Variants in CACNA1B observed in about 807,000 individuals in gnomAD.
CACNA1B encodes voltage-dependent N-type calcium channel subunit alpha-1B.
CACNA1B carries 70 observed loss-of-function variants against 247.2 expected under a neutral mutation model. The ratio of observed to expected loss-of-function variants is 0.28; its 90% CI spans 0.23 to 0.35. The LOEUF (loss-of-function observed/expected upper bound fraction) is 0.35. Ranked by LOEUF, CACNA1B falls within the 10% of genes least tolerant of loss-of-function variation. CACNA1B has a pLI of 1.00. For synonymous variants in CACNA1B, 1,231 were observed against 1,294.4 expected, an observed-to-expected ratio of 0.95 and a Z score of 1.05; for missense variants, 2,367 against 3,197.4, an observed-to-expected ratio of 0.74 and a Z score of 6.26.
At position 137,954,978 on chromosome 9, in the gene CACNA1B, G is replaced by T. The variant is rs1295223955; in HGVS notation, c.1071-720G>T. 6.6e-6 allele frequency among the ~76,000 whole-genome samples: 1 copy of T among 151,944 alleles called. No homozygotes were observed. The highest frequency in any genetic ancestry group is 2.4e-5 in the African/African-American group (1 of 41,356). On this transcript the variant is annotated intron_variant, in intron 7 of 46. Coordinates refer to ENST00000371372, the MANE Select transcript of CACNA1B (RefSeq NM_000718.4). This position sits in a 1 kb window ranked among gnomAD's most constrained non-coding sequence, Gnocchi z 4.1. ...AAGCTTGGCCAGGAGGCTGGGGCTGGGCTGGGGATGCTGAGCTGGAAGGGC... is the reference window on the plus strand; with the variant it reads ...AAGCTTGGCCAGGAGGCTGGGGCTGTGCTGGGGATGCTGAGCTGGAAGGGC...
chr9:137,946,662 G>A (rs2133327276), intron 6 of CACNA1B, among the ~76,000 whole-genome samples: 1 of 152,206 alleles, frequency 6.6e-6, no homozygotes, highest in African/African-American at 2.4e-5. Flanking sequence ...TGGTGGTCAG[G>A]TGCTTCCATA....
intron 6 of CACNA1B, among the ~76,000 whole-genome samples, chr9:137,926,304 G>A (rs1589011811): frequency 6.6e-6 from 1 of 151,900 alleles, no homozygotes; most frequent in Non-Finnish European, 1.5e-5. Context: ...TCCTGACCTC[G>A]TGATCCACCT....
At chr9:137,923,357 G>A (rs556568090) in intron 6 of CACNA1B, among the ~76,000 whole-genome samples, 12 of 146,246 alleles carry the variant, frequency 8.2e-5, no homozygotes, top group African/African-American at 3.1e-4. Context: ...GTAGTATTCC[G>A]TGGCTCCAGG....
At chr9:138,098,664 C>A (rs915891010) in intron 37 of CACNA1B, among the ~76,000 whole-genome samples, 1 of 152,142 alleles carries the variant, frequency 6.6e-6, no homozygotes, top group Non-Finnish European at 1.5e-5. Context: ...CACAGTGGTA[C>A]CATACCAAAG....
chr9:137,996,507 G>A lies in CACNA1B; in HGVS notation c.1974+9653G>A, dbSNP rs1359006288. ...ATGATACAATGGACTTTAGGGACTC[G>A]AGGGAAAGGGTGGGAGGGGGACGAG... On this transcript the variant is annotated intron_variant, in intron 15 of 46. Coordinates refer to ENST00000371372, the MANE Select transcript of CACNA1B (RefSeq NM_000718.4). Among the ~76,000 whole-genome samples, 11 of 152,264 alleles carry A rather than the reference G, an allele frequency of 7.2e-5. 1 individual carries two copies. The highest frequency in any genetic ancestry group is 2.1e-4 in the South Asian group (1 of 4,820).
chr9:138,079,145 G>C (rs1181865219), intron 36 of CACNA1B, among the ~76,000 whole-genome samples: 1 of 152,204 alleles, frequency 6.6e-6, no homozygotes, highest in Admixed American at 6.5e-5. Flanking sequence ...CAGATTCCCA[G>C]GCCACTCCCG....
intron 3 of CACNA1B, chr9:137,892,663 C>G (rs1005049475): frequency 3.0e-6 from 1 of 336,408 alleles, no homozygotes; most frequent in Non-Finnish European, 5.8e-6. Flanking sequence ...TCCCCCAGCA[C>G]AGGGCAGCCT....
intron 9 of CACNA1B, 35 bp downstream of exon 9, chr9:137,956,862 A>T (rs201183174): frequency 3.4e-5 from 54 of 1,588,454 alleles, no homozygotes; most frequent in Non-Finnish European, 4.5e-5. Flanking sequence ...TGTGTGGTGG[A>T]GTGCTCTGGT....
intron 9 of CACNA1B, 101 bp downstream of exon 9, chr9:137,956,928 G>A: frequency 2.2e-6 from 2 of 914,322 alleles, no homozygotes; most frequent in Non-Finnish European, 3.6e-6. Flanking sequence ...AGTGCTCTTG[G>A]CAGTGCCAGG....
chr9:138,002,441 G>C (rs922521883), intron 15 of CACNA1B, among the ~76,000 whole-genome samples: 2 of 151,948 alleles, frequency 1.3e-5, no homozygotes, highest in Non-Finnish European at 2.9e-5. Flanking sequence ...AGGCATGGTG[G>C]CTCATGCCTA....
intron 3 of CACNA1B, among the ~76,000 whole-genome samples, chr9:137,885,103 GCT>G: frequency 6.7e-6 from 1 of 148,840 alleles, no homozygotes; most frequent in Non-Finnish European, 1.5e-5. Flanking sequence ...GCACGTCTCT[GCT>G]CGCCTGTGTC....
At chr9:137,965,363 T>C (rs1161762676) in intron 10 of CACNA1B, among the ~76,000 whole-genome samples, 1 of 152,236 alleles carries the variant, frequency 6.6e-6, no homozygotes, top group Non-Finnish European at 1.5e-5. Flanking sequence ...TAAAAGATAT[T>C]GGATTATAGG....
chr9:137,971,585 G>T lies in CACNA1B; in HGVS notation c.1536G>T (p.Thr512=), dbSNP rs368953125. 35 of 1,612,478 alleles carry T rather than the reference G, an allele frequency of 2.2e-5. No homozygotes were observed. In the Admixed American group the frequency reaches 5.9e-4, roughly 27 times the overall value. The change falls in exon 11 of 47, where the codon ACG becomes ACT. Residue 512 remains threonine (T), a synonymous_variant. Coordinates refer to ENST00000371372, the MANE Select transcript of CACNA1B (RefSeq NM_000718.4). The surrounding 1 kb of genome is among the most constrained non-coding windows in gnomAD (Gnocchi z 4.4). ...ACAACCAGCCGCGGCGGCTTACCAC[G>T]ACCCTGTGTACGTATCCCCGTCCCT... ...VHYNQPRRLT[T]TLYFAEFVFL...
rs1589075406 is a variant in CACNA1B at position 138,023,734 on chromosome 9, G to C, written c.2991G>C (p.Thr997=). Residue 997 remains threonine (T), a synonymous_variant, in exon 19 of 47, where the codon ACG becomes ACC. Transcript: ENST00000371372. ...PAHEAVEKET[T]EKEATEKEAE... is the part of the protein sequence containing the mutation. ...ACGAGGCTGTGGAGAAGGAGACCAC[G>C]GAGAAGGAGGCCACGGAGAAGGAGG... The C allele has an allele frequency of 1.4e-6, 2 of 1,467,054 alleles. No individual in the cohort carries two copies. Among genetic ancestry groups the C allele is most frequent in the African/African-American group, 5.3e-5 (2 of 37,542 alleles). 90.9% of individuals were successfully genotyped at this position (1,467,054 alleles called of 1,614,324 possible).
rs1589067296 is a variant in CACNA1B at position 138,012,115 on chromosome 9, G to A, written c.2161-1014G>A. Reference sequence around the variant, plus strand: ...CACATGCCCAGCCCTGAGGGCAGGAGCCATGTGAAGTTCAGGGCCAGGCAC... The same window carrying A: ...CACATGCCCAGCCCTGAGGGCAGGAACCATGTGAAGTTCAGGGCCAGGCAC... On this transcript the variant is annotated intron_variant, in intron 17 of 46. Transcript: ENST00000371372. This position sits in a 1 kb window ranked among gnomAD's most constrained non-coding sequence, Gnocchi z 4.2. 6.6e-6 allele frequency among the ~76,000 whole-genome samples: 1 copy of A among 152,268 alleles called. No individual in the cohort carries two copies. The highest frequency in any genetic ancestry group is 6.5e-5 in the Admixed American group (1 of 15,292).
chr9:137,922,361 G>A (rs1194143386), intron 6 of CACNA1B, among the ~76,000 whole-genome samples: 4 of 150,992 alleles, frequency 2.6e-5, no homozygotes, highest in Non-Finnish European at 5.9e-5. Flanking sequence ...TGGGAGCAGA[G>A]TAAAGCGTTC....
chr9:138,084,580 A>G (rs549257402), intron 36 of CACNA1B, among the ~76,000 whole-genome samples: 15 of 151,300 alleles, frequency 9.9e-5, no homozygotes, highest in Admixed American at 3.3e-4. Context: ...CTAAAACCCA[A>G]CTGTACTGTA....
Position 137,990,120 on chromosome 9 carries a change from G to A in CACNA1B, c.1974+3266G>A, listed in dbSNP as rs1476301061. On this transcript the variant is annotated intron_variant, in intron 15 of 46. Coordinates refer to ENST00000371372, the MANE Select transcript of CACNA1B (RefSeq NM_000718.4). The surrounding 1 kb of genome is among the most constrained non-coding windows in gnomAD (Gnocchi z 4.5). ...ACTCAGTGCTGTTGGGGGTGGGCAC[G>A]GTAGGAGTGAGACCAGCCTTTTGGA... Among the ~76,000 whole-genome samples the A allele has an allele frequency of 2.0e-5, 3 of 152,272 alleles. No homozygotes were observed. Among genetic ancestry groups the A allele is most frequent in the Admixed American group, 6.5e-5 (1 of 15,302 alleles).
intron 36 of CACNA1B, among the ~76,000 whole-genome samples, chr9:138,093,426 A>AAAG (rs1376116104): frequency 8.0e-5 from 12 of 149,870 alleles, no homozygotes; most frequent in South Asian, 6.3e-4. Flanking sequence ...AAAAAAAAAA[A>AAAG]AAGAAGAAGA....
Sources: allele counts gnomAD v4.1 joint callset (sites outside exome capture counted in the v4.1 genomes callset), GRCh38; gene constraint gnomAD v4.1.1; non-coding constraint Gnocchi (gnomAD v3.1); transcripts MANE v1.5; gene names NCBI Gene and HGNC (gene_info 2026-07-23, HGNC 2026-07-21).